NR2E3: variants seen among roughly 807,000 people sequenced by gnomAD.
NR2E3 encodes the protein photoreceptor-specific nuclear receptor.
In NR2E3, 38 loss-of-function variants were observed where a neutral mutation model predicts 37.6. That is an observed-to-expected ratio of 1.01 (90% confidence interval 0.78 to 1.33). The LOEUF (loss-of-function observed/expected upper bound fraction) is 1.33. NR2E3 is among the 40% of genes most tolerant of loss of function. The pLI, the probability that NR2E3 is intolerant of heterozygous loss-of-function variation, is 0.00. For synonymous variants in NR2E3, 235 were observed against 225.1 expected (o/e 1.04, Z -0.39); for missense variants, 562 against 558.7 (o/e 1.01, Z -0.06).
In NR2E3 at chr15:71,810,862, G is replaced by T; in HGVS notation, c.118+1G>T. 6.4e-7 allele frequency: 1 copy of T among 1,552,796 alleles called. No homozygotes were observed. The highest frequency in any genetic ancestry group is 1.2e-5 in the South Asian group (1 of 83,988). ...TGGGGCCTGGGGGAGGATCCCACAG[G>T]TATGGCTTCTCCTGGAGGTAGGGTT... On this transcript the variant is annotated splice_donor_variant, in intron 1 of 7. Coordinates refer to ENST00000617575, the MANE Select transcript of NR2E3 (RefSeq NM_014249.4). LOFTEE classifies it high-confidence loss of function.
rs569009805 is a variant in NR2E3, at chr15:71,811,684, G to A, written c.245+75G>A. On this transcript the variant is annotated intron_variant, in intron 2 of 7. Transcript: ENST00000617575. This position sits in a 1 kb window ranked among gnomAD's most constrained non-coding sequence, Gnocchi z 5.6. ...GGGTGAGGGGGTGCTCAGGGGAAGAGGGGCTTGGGCAAAAATGTCCAAGCC... is the reference window on the plus strand; with the variant it reads ...GGGTGAGGGGGTGCTCAGGGGAAGAAGGGCTTGGGCAAAAATGTCCAAGCC... 2.8e-5 allele frequency: 44 copies of A among 1,559,480 alleles called. No homozygotes were observed. In the East Asian group the frequency reaches 9.6e-4, roughly 34 times the overall value.
rs374121651 is a variant in NR2E3 at position 71,817,683 on chromosome 15, A to G, written c.1232A>G (p.Ter411TrpextTer5). 2.4e-5 allele frequency: 39 copies of G among 1,596,046 alleles called. No homozygotes were observed. Among genetic ancestry groups the G allele is most frequent in the Non-Finnish European group, 2.5e-5 (29 of 1,165,300 alleles). ...EKLLCDMFKN[*>W] ...CTCCTTTGTGATATGTTCAAAAACT[A>G]GTGGGGGTGGAGGTGAAATGTTTCC... The change falls in exon 8 of 8, where the codon TAG becomes TGG. Residue 411 changes from the stop codon to tryptophan, a stop_lost. Transcript: ENST00000617575.
chr15:71,817,408 T>C, intron 7 of NR2E3, 144 bp from the exon 8 acceptor site: 1 of 1,155,004 alleles, frequency 8.7e-7, no homozygotes, highest in Non-Finnish European at 1.2e-6. Context: ...TGAATGTGGC[T>C]TTTCCTCGAA....
rs1446771071 is a variant in NR2E3 at position 71,812,100 on chromosome 15, A to T, written c.495A>T (p.Ala165=). The T allele has an allele frequency of 6.4e-7, 1 of 1,555,816 alleles. No homozygotes were observed. The highest frequency in any genetic ancestry group is 1.9e-5 in the Admixed American group (1 of 51,356). ...RSPRGPTPMS[A]ARALGHHFMA... is the part of the protein sequence containing the mutation. ...CACGGGGCCCCACACCCATGTCTGC[A>T]GCCAGAGCCCTGGGCCACCACTTCA... The change falls in exon 4 of 8, where the codon GCA becomes GCT. Residue 165 remains alanine, a synonymous_variant. Coordinates refer to ENST00000617575, the MANE Select transcript of NR2E3 (RefSeq NM_014249.4).
At position 71,817,650 on chromosome 15, in the gene NR2E3, T is replaced by C; in HGVS notation, c.1199T>C (p.Met400Thr). Reference protein sequence around the residue: ...FFRKTIGNTPMEKLLCDMFKN With the variant: ...FFRKTIGNTPTEKLLCDMFKN The stretch of plus-strand genomic sequence containing the variant: ...CGCAAGACCATAGGGAATACTCCAA[T>C]GGAGAAGCTCCTTTGTGATATGTTC... Residue 400 changes from methionine (M) to threonine (T), a missense_variant, in exon 8 of 8, where the codon ATG becomes ACG. Transcript: ENST00000617575. 2.5e-6 allele frequency: 4 copies of C among 1,607,688 alleles called. No homozygotes were observed. The highest frequency in any genetic ancestry group is 3.4e-6 in the Non-Finnish European group (4 of 1,174,528).
chr15:71,814,378 G>A, intron 7 of NR2E3: 5 of 1,256,000 alleles, frequency 4.0e-6, no homozygotes, highest in Non-Finnish European at 4.0e-6. Context: ...GCCAGGTACT[G>A]AGGGTTGCAT....
At position 71,813,109 on chromosome 15, in the gene NR2E3, T is replaced by C. The variant is rs768909934; in HGVS notation, c.748-280T>C. Among the ~76,000 whole-genome samples, 13 of 152,160 alleles carry C rather than the reference T, an allele frequency of 8.5e-5. No individual in the cohort carries two copies. The highest frequency in any genetic ancestry group is 1.5e-4 in the Non-Finnish European group (10 of 68,016). ...GAATACACTCAACTTAGGACACTCATGAGGCATGTCTCTGAGGCTGCCCAA... is the reference window on the plus strand; with the variant it reads ...GAATACACTCAACTTAGGACACTCACGAGGCATGTCTCTGAGGCTGCCCAA... On this transcript the variant is annotated intron_variant, in intron 5 of 7. Transcript: ENST00000617575. This position sits in a 1 kb window ranked among gnomAD's most constrained non-coding sequence, Gnocchi z 4.7.
rs1249533765 is a variant in NR2E3 at position 71,814,345 on chromosome 15, C to G, written c.1100+228C>G. On this transcript the variant is annotated intron_variant, in intron 7 of 7. Coordinates refer to ENST00000617575, the MANE Select transcript of NR2E3 (RefSeq NM_014249.4). ...TTCTAGAGACAACCGGCAGTGACCT[C>G]ACTGAAGACAAAAACTGCCCTAGCC... The G allele has an allele frequency of 7.6e-6, 10 of 1,321,980 alleles. No homozygotes were observed. In the South Asian group the frequency reaches 2.1e-4, roughly 27 times the overall value. The allele number at this position is 1,321,980 out of a possible 1,614,324, so 81.9% of individuals were successfully genotyped here.
chr15:71,814,061 G>T lies in NR2E3; in HGVS notation c.1044G>T (p.Gln348His). 6.2e-7 allele frequency: 1 copy of T among 1,612,922 alleles called. No individual in the cohort carries two copies. The highest frequency in any genetic ancestry group is 8.5e-7 in the Non-Finnish European group (1 of 1,179,790). The change falls in exon 7 of 8, where the codon CAG becomes CAT. Residue 348 changes from glutamine (Q) to histidine (H), a missense_variant. Gln to His is a conservative substitution (Grantham distance 24, BLOSUM62 0). Coordinates refer to ENST00000617575, the MANE Select transcript of NR2E3 (RefSeq NM_014249.4). ...DPEHVEALQD[Q>H]SQVMLSQHSK... The stretch of plus-strand genomic sequence containing the variant: ...AGCACGTAGAGGCCTTGCAGGACCA[G>T]TCCCAAGTGATGCTGAGCCAGCACA...
rs2140288585 is a variant in NR2E3 at position 71,811,472 on chromosome 15, CT to C, written c.119-10del. ...CCCTGCCCTGGCCCAGCCCTGCCCC[CT>C]GCCCCTCAGGCGTGAGCCCCTCGCT... On this transcript the variant is annotated splice_polypyrimidine_tract_variant and intron_variant, in intron 1 of 7. Coordinates refer to ENST00000617575, the MANE Select transcript of NR2E3 (RefSeq NM_014249.4). This position sits in a 1 kb window ranked among gnomAD's most constrained non-coding sequence, Gnocchi z 5.6. The C allele has an allele frequency of 6.4e-7, 1 of 1,553,660 alleles. No homozygotes were observed. The highest frequency in any genetic ancestry group is 8.7e-7 in the Non-Finnish European group (1 of 1,149,140).
At chr15:71,814,607 G>A in intron 7 of NR2E3, 1 of 947,598 alleles carries the variant, frequency 1.1e-6, no homozygotes, top group Non-Finnish European at 1.3e-6. Flanking sequence ...GAATAAGCCA[G>A]AAAAGTACCC....
Position 71,810,831 on chromosome 15 carries a change from G to C in NR2E3, c.88G>C (p.Gly30Arg), listed in dbSNP as rs371396941. The change falls in exon 1 of 8, where the codon GGC (glycine) becomes CGC (arginine). Residue 30 changes from glycine (G) to arginine (R), a missense_variant. Physicochemically the swap from Gly to Arg is moderately radical, Grantham distance 125. Transcript: ENST00000617575. ...GGCTGCCTCCAGGAAGGAGTCTCCA[G>C]GCAGATGGGGCCTGGGGGAGGATCC... ...AGAASRKESP[G>R]RWGLGEDPTG... 24 of 1,567,320 alleles carry C rather than the reference G, an allele frequency of 1.5e-5. No homozygotes were observed. Among genetic ancestry groups the C allele is most frequent in the Non-Finnish European group, 2.1e-5 (24 of 1,156,380 alleles).
At position 71,810,683 on chromosome 15, in the gene NR2E3, G is replaced by GTTCAT; in HGVS notation, c.-61_-60insTTCAT. ...ACAGAGGTTCATGGACTGAGGCAAA[G>GTTCAT]GCTGGGCCAGGCTCAGCAACCCAGG... On this transcript the variant is annotated 5_prime_UTR_variant, in exon 1 of 8. In the 5' UTR this introduces an upstream ATG that the reference lacks. Transcript: ENST00000617575. The GTTCAT allele has an allele frequency of 1.3e-6, 2 of 1,547,920 alleles. No individual in the cohort carries two copies. The highest frequency in any genetic ancestry group is 1.7e-6 in the Non-Finnish European group (2 of 1,145,802).
In NR2E3 at chr15:71,813,896, C is replaced by T; in HGVS notation, c.995-116C>T. 2.0e-6 allele frequency: 3 copies of T among 1,534,150 alleles called. No individual in the cohort carries two copies. The highest frequency in any genetic ancestry group is 2.6e-6 in the Non-Finnish European group (3 of 1,144,002). On this transcript the variant is annotated intron_variant, in intron 6 of 7. Transcript: ENST00000617575. This position sits in a 1 kb window ranked among gnomAD's most constrained non-coding sequence, Gnocchi z 4.7. ...TGGCTCCTCTGGGCCTGGCAGAGCCCACCCCACAGGGCCCCAGGTCCATGT... is the reference window on the plus strand; with the variant it reads ...TGGCTCCTCTGGGCCTGGCAGAGCCTACCCCACAGGGCCCCAGGTCCATGT...
At chr15:71,810,970 C>T (rs2054173907) in intron 1 of NR2E3, 109 bp downstream of exon 1, 3 of 1,230,546 alleles carry the variant, frequency 2.4e-6, no homozygotes, top group Non-Finnish European at 2.2e-6. Flanking sequence ...AGACCCAGCC[C>T]CGCCGGCTGT....
rs904875833 is a variant in NR2E3 at position 71,813,309 on chromosome 15, C to T, written c.748-80C>T. The T allele has an allele frequency of 1.3e-6, 2 of 1,542,476 alleles. No individual in the cohort carries two copies. The highest frequency in any genetic ancestry group is 1.8e-6 in the Non-Finnish European group (2 of 1,142,288). On this transcript the variant is annotated intron_variant, in intron 5 of 7. Transcript: ENST00000617575. This position sits in a 1 kb window ranked among gnomAD's most constrained non-coding sequence, Gnocchi z 4.7. ...GGACAGCACTTCCATTCCTTGGGTGCCTGAGATGGTGGCAGAGGCTCCAGA... is the reference window on the plus strand; with the variant it reads ...GGACAGCACTTCCATTCCTTGGGTGTCTGAGATGGTGGCAGAGGCTCCAGA...
intron 7 of NR2E3, among the ~76,000 whole-genome samples, chr15:71,815,909 A>T (rs1035988511): frequency 1.3e-5 from 2 of 152,178 alleles, no homozygotes; most frequent in Non-Finnish European, 2.9e-5. Context: ...AACTGACTTT[A>T]TAGTTATTTC....
intron 7 of NR2E3, among the ~76,000 whole-genome samples, chr15:71,816,996 A>T (rs2054231168): frequency 6.6e-6 from 1 of 151,968 alleles, no homozygotes; most frequent in Non-Finnish European, 1.5e-5. Context: ...AACAATATTT[A>T]CTCATTATTT....
chr15:71,811,660 G>T lies in NR2E3; in HGVS notation c.245+51G>T, dbSNP rs559177757. 3.8e-6 allele frequency: 6 copies of T among 1,581,930 alleles called. No individual in the cohort carries two copies. Among genetic ancestry groups the T allele is most frequent in the Non-Finnish European group, 5.2e-6 (6 of 1,163,622 alleles). ...GTCTGCCCCTGAGGGGTTCTGGAGGGGTGAGGGGGTGCTCAGGGGAAGAGG... is the reference window on the plus strand; with the variant it reads ...GTCTGCCCCTGAGGGGTTCTGGAGGTGTGAGGGGGTGCTCAGGGGAAGAGG... On this transcript the variant is annotated intron_variant, in intron 2 of 7. Coordinates refer to ENST00000617575, the MANE Select transcript of NR2E3 (RefSeq NM_014249.4). This position sits in a 1 kb window ranked among gnomAD's most constrained non-coding sequence, Gnocchi z 5.6.
Sources: gnomAD v4.1 joint callset for allele counts (sites outside exome capture counted in the v4.1 genomes callset) on GRCh38, gnomAD v4.1.1 for gene constraint, Gnocchi (gnomAD v3.1) non-coding constraint, MANE v1.5 for transcripts, NCBI Gene and HGNC (gene_info 2026-07-23, HGNC 2026-07-21) for gene names.